RPGRIP1L: variants seen among roughly 807,000 people sequenced by gnomAD.
RPGRIP1L encodes the protein RPGRIP1 like.
In RPGRIP1L, 131 loss-of-function variants were observed where a neutral mutation model predicts 160.4. The ratio of observed to expected loss-of-function variants is 0.82; its 90% CI spans 0.71 to 0.94. The LOEUF (loss-of-function observed/expected upper bound fraction) is 0.94, where lower values mean the gene tolerates loss of function less well. Ranked by LOEUF, RPGRIP1L falls within the 40% of genes least tolerant of loss-of-function variation. The probability of loss-of-function intolerance (pLI) is 0.00; values close to 1 mark genes in which losing one functional copy is unlikely to be tolerated. For missense variants in RPGRIP1L, 1,522 were observed against 1,535.8 expected, an observed-to-expected ratio of 0.99 and a Z score of 0.15; for synonymous variants, 510 against 515.8, an observed-to-expected ratio of 0.99 and a Z score of 0.15.
chr16:53,672,002 G>C (rs1968778618), intron 8 of RPGRIP1L, among the ~76,000 whole-genome samples: 1 of 151,894 alleles, frequency 6.6e-6, no homozygotes, highest in Admixed American at 6.6e-5. Flanking sequence ...TTAGGTTCAT[G>C]GTTCAAATTG....
chr16:53,700,804 A>G lies in RPGRIP1L; in HGVS notation c.-7-74T>C, dbSNP rs112195760. 86 of 1,173,294 alleles carry G rather than the reference A, an allele frequency of 7.3e-5. 2 individuals are homozygous for G. In the Middle Eastern group the frequency reaches 7.6e-4, roughly 10 times the overall value. The allele number at this position is 1,173,294 out of a possible 1,614,324, so 72.7% of individuals were successfully genotyped here. A position where few individuals can be genotyped will look rare whatever the true frequency, so the allele number is the denominator to read the frequency against. ...AACTATGCAATGGAATGAACCAAAT[A>G]AAACGAAAAAGGGACTAGAACTTTA... On this transcript the variant is annotated intron_variant, in intron 1 of 26. Transcript: ENST00000647211.
intron 19 of RPGRIP1L, among the ~76,000 whole-genome samples, chr16:53,640,075 T>C (rs1966105925): frequency 6.6e-6 from 1 of 152,144 alleles, no homozygotes; most frequent in South Asian, 2.1e-4. Context: ...CTGAATACAG[T>C]ATATATTTTT....
intron 22 of RPGRIP1L, among the ~76,000 whole-genome samples, chr16:53,624,812 T>C (rs73607969): frequency 0.089 from 11,570 of 129,604 alleles, 846 homozygotes; most frequent in Admixed American, 0.21. Context: ...GGTCTCCCTC[T>C]GTTGCCCAGG....
chr16:53,688,812 G>A (rs1970188424), intron 4 of RPGRIP1L, among the ~76,000 whole-genome samples: 1 of 151,922 alleles, frequency 6.6e-6, no homozygotes, highest in African/African-American at 2.4e-5. Context: ...CTAGAACAAT[G>A]GAACTATTAC....
chr16:53,672,344 G>T (rs1192237791), intron 8 of RPGRIP1L, among the ~76,000 whole-genome samples: 2 of 152,084 alleles, frequency 1.3e-5, no homozygotes, highest in African/African-American at 2.4e-5. Context: ...CCCAAGATCA[G>T]AACAGAATGC....
At chr16:53,691,131 A>G (rs1970359059) in intron 4 of RPGRIP1L, among the ~76,000 whole-genome samples, 1 of 151,286 alleles carries the variant, frequency 6.6e-6, no homozygotes, top group Admixed American at 6.6e-5. Context: ...TTAATTCCTC[A>G]AAGAATTGAA....
intron 6 of RPGRIP1L, among the ~76,000 whole-genome samples, chr16:53,678,453 C>T (rs958846159): frequency 3.3e-5 from 5 of 152,224 alleles, no homozygotes; most frequent in South Asian, 2.1e-4. Context: ...AAACTTTCAG[C>T]GGAGCTATGT....
rs1484725176 is a variant in RPGRIP1L at position 53,598,338 on chromosome 16, T to C, written c.*3738A>G. 1 of 152,116 alleles carries C rather than the reference T, an allele frequency of 6.6e-6. No homozygotes were observed. Among genetic ancestry groups the C allele is most frequent in the African/African-American group, 2.4e-5 (1 of 41,410 alleles). The allele number at this position is 152,116 out of a possible 1,614,324, so 9.4% of individuals were successfully genotyped here. ...TGATCGAAGTCTAAGAGTACCAGAT[T>C]GCACTTCCAAAAGCCTGAAGGAAAA... On this transcript the variant is annotated 3_prime_UTR_variant, in exon 27 of 27. Coordinates refer to ENST00000647211, the MANE Select transcript of RPGRIP1L (RefSeq NM_015272.5).
At chr16:53,653,133 C>A in intron 14 of RPGRIP1L, 146 bp from the exon 15 acceptor site, 2 of 866,690 alleles carry the variant, frequency 2.3e-6, no homozygotes, top group Non-Finnish European at 1.7e-6. Flanking sequence ...GTAAATAATA[C>A]TTTATCGTAC....
At chr16:53,626,411 T>C (rs1372578667) in intron 22 of RPGRIP1L, among the ~76,000 whole-genome samples, 1 of 152,204 alleles carries the variant, frequency 6.6e-6, no homozygotes, top group African/African-American at 2.4e-5. Flanking sequence ...GTATGAATTT[T>C]TGTTACCAGG....
At chr16:53,659,059 C>A in intron 10 of RPGRIP1L, 181 bp from the exon 11 acceptor site, 1 of 633,590 alleles carries the variant, frequency 1.6e-6, no homozygotes, top group Non-Finnish European at 2.7e-6. Flanking sequence ...TGAACACTAT[C>A]ATGTGTCTAC....
chr16:53,630,007 G>A (rs1301405023), intron 22 of RPGRIP1L, among the ~76,000 whole-genome samples: 1 of 151,906 alleles, frequency 6.6e-6, no homozygotes, highest in Non-Finnish European at 1.5e-5. Context: ...GTCTGTATGT[G>A]CAAATAAAAA....
intron 2 of RPGRIP1L, among the ~76,000 whole-genome samples, chr16:53,698,000 G>A (rs1326876741): frequency 2.0e-5 from 3 of 150,354 alleles, no homozygotes; most frequent in Admixed American, 1.3e-4. Context: ...TGTGGGGAGC[G>A]CCTTTGCCCT....
chr16:53,638,243 AC>A (rs757949061), intron 20 of RPGRIP1L, 66 bp downstream of exon 20: 6 of 964,588 alleles, frequency 6.2e-6, no homozygotes, highest in Non-Finnish European at 1.0e-5. Flanking sequence ...TCATGTCAAA[AC>A]TTATAAGACA....
Position 53,598,417 on chromosome 16 carries a change from A to T in RPGRIP1L, c.*3659T>A, listed in dbSNP as rs960616588. On this transcript the variant is annotated 3_prime_UTR_variant, in exon 27 of 27. Transcript: ENST00000647211. ...TATGGAAAATGAAAGGGCAAGAACA[A>T]AAGGTATAAGAATACCAGTAATATG... The T allele has an allele frequency of 5.9e-5, 9 of 152,222 alleles. No homozygotes were observed. Among genetic ancestry groups the T allele is most frequent in the African/African-American group, 2.2e-4 (9 of 41,466 alleles). The allele number at this position is 152,222 out of a possible 1,614,324, so 9.4% of individuals were successfully genotyped here.
rs944691724 is a variant in RPGRIP1L, at chr16:53,641,105, A to C, written c.2886T>G (p.Pro962=). Residue 962 remains proline, a synonymous_variant, in exon 19 of 27, where the codon CCT becomes CCG. Transcript: ENST00000647211. ...SVSTLVLAPR[P]KPRQRLTPVD... Reference sequence around the variant, plus strand: ...CAGGTGTTAAACGTTGTCTTGGTTTAGGTCTTGGTGCCTAAGACAAACCAA... The same window carrying C: ...CAGGTGTTAAACGTTGTCTTGGTTTCGGTCTTGGTGCCTAAGACAAACCAA... 6.2e-7 allele frequency: 1 copy of C among 1,613,600 alleles called. No individual in the cohort carries two copies. The highest frequency in any genetic ancestry group is 1.3e-5 in the African/African-American group (1 of 75,030).
chr16:53,638,466 C>A (rs940865058), intron 19 of RPGRIP1L, 55 bp from the exon 20 acceptor site: 2 of 959,194 alleles, frequency 2.1e-6, no homozygotes, highest in Non-Finnish European at 3.4e-6. Flanking sequence ...TTACTAAATC[C>A]CAAATCATTC....
At position 53,664,981 on chromosome 16, in the gene RPGRIP1L, A is replaced by C. The variant is rs749735117; in HGVS notation, c.1132T>G (p.Trp378Gly). The C allele has an allele frequency of 2.5e-6, 4 of 1,613,678 alleles. No individual in the cohort carries two copies. In the Admixed American group the frequency reaches 6.7e-5, roughly 27 times the overall value. The part of the protein sequence containing the change: ...SAFSAAHEEQ[W>G]KLKEQQLKVQ... ...TTCAGCTGTTGCTCCTTTAACTTCCATTGCTCTTCATGGGCAGCACTGAAG... is the reference window on the plus strand; with the variant it reads ...TTCAGCTGTTGCTCCTTTAACTTCCCTTGCTCTTCATGGGCAGCACTGAAG... The change falls in exon 10 of 27, where the codon TGG becomes GGG. Residue 378 changes from tryptophan to glycine, a missense_variant. Trp to Gly is a radical substitution (Grantham distance 184). Transcript: ENST00000647211.
chr16:53,693,338 T>C (rs1047574940), intron 3 of RPGRIP1L: 2 of 152,244 alleles, frequency 1.3e-5, no homozygotes, highest in Non-Finnish European at 2.9e-5. Flanking sequence ...TTTTGCTTTA[T>C]TTTAGCGTGG....
Sources: gnomAD v4.1 joint callset for allele counts (sites outside exome capture counted in the v4.1 genomes callset) on GRCh38, gnomAD v4.1.1 for gene constraint, MANE v1.5 for transcripts, NCBI Gene and HGNC (gene_info 2026-07-23, HGNC 2026-07-21) for gene names.